The following GALNTL6 variants were observed in gnomAD, a reference collection of about 807,000 sequenced individuals.
The protein encoded by GALNTL6 is polypeptide N-acetylgalactosaminyltransferase like 6, also known as polypeptide N-acetylgalactosaminyltransferase-like 6.
Under a neutral mutation model 73.7 loss-of-function variants are expected in GALNTL6, and 46 were observed. That is an observed-to-expected ratio of 0.62 (90% CI 0.49 to 0.80). The LOEUF (loss-of-function observed/expected upper bound fraction) is 0.80, where lower values mean the gene tolerates loss of function less well. Ranked by LOEUF, GALNTL6 falls within the 30% of genes least tolerant of loss-of-function variation. The probability of loss-of-function intolerance (pLI) is 0.00; values close to 1 mark genes in which losing one functional copy is unlikely to be tolerated. For synonymous variants in GALNTL6, 259 were observed against 263.7 expected (o/e 0.98, Z 0.17); for missense variants, 604 against 755.0 (o/e 0.80, Z 2.34).
chr4:172,199,029 T>G (rs1735870891), intron 2 of GALNTL6, among the ~76,000 whole-genome samples: 1 of 152,168 alleles, frequency 6.6e-6, no homozygotes, highest in African/African-American at 2.4e-5. Flanking sequence ...GACTACACTG[T>G]GCTGTAACCA....
At chr4:172,187,029 AG>A (rs1323939549) in intron 2 of GALNTL6, among the ~76,000 whole-genome samples, 1 of 152,118 alleles carries the variant, frequency 6.6e-6, no homozygotes, top group Non-Finnish European at 1.5e-5. Context: ...TGTAACTTAA[AG>A]TTTATTTTAA....
At chr4:172,058,113 G>GTTGTTTTGTTTTGTTTTGTTTTGTT (rs10526611) in intron 2 of GALNTL6, among the ~76,000 whole-genome samples, 5,040 of 146,332 alleles carry the variant, frequency 0.034, 179 homozygotes, top group African/African-American at 0.076. Context: ...GGCTGAAGTG[G>GTTGTTTTGTTTTGTTTTGTTTTGTT]TTGTTTTGTT....
intron 5 of GALNTL6, among the ~76,000 whole-genome samples, chr4:172,410,985 C>A (rs1414878212): frequency 6.6e-6 from 1 of 152,032 alleles, no homozygotes; most frequent in Non-Finnish European, 1.5e-5. Flanking sequence ...CAAAACAAGC[C>A]ACATTTGAAG....
In GALNTL6 at chr4:172,473,728, G is replaced by A. The variant is rs114666577; in HGVS notation, c.553+125039G>A. Among the ~76,000 whole-genome samples, 691 of 152,138 alleles carry A rather than the reference G, an allele frequency of 4.5e-3. 7 individuals carry two copies. The highest frequency in any genetic ancestry group is 0.016 in the African/African-American group (655 of 41,500). The stretch of plus-strand genomic sequence containing the variant: ...ACCTCTTCAGGTTGAAAAGCCTCAG[G>A]ACTTAAATATCAGTGCTTTTCACCA... On this transcript the variant is annotated intron_variant, in intron 5 of 12. Transcript: ENST00000506823.
intron 5 of GALNTL6, among the ~76,000 whole-genome samples, chr4:172,785,010 A>C (rs956898685): frequency 2.0e-5 from 3 of 152,198 alleles, no homozygotes; most frequent in African/African-American, 7.2e-5. Context: ...CCACAAGGAC[A>C]GATGCAGTGC....
At chr4:172,556,121 A>G (rs1052907965) in intron 5 of GALNTL6, among the ~76,000 whole-genome samples, 1 of 152,086 alleles carries the variant, frequency 6.6e-6, no homozygotes, top group Non-Finnish European at 1.5e-5. Flanking sequence ...TGTTATTTCC[A>G]TCTTCCATTC....
chr4:171,969,687 TA>T (rs1256350849), intron 2 of GALNTL6, among the ~76,000 whole-genome samples: 3 of 152,268 alleles, frequency 2.0e-5, no homozygotes, highest in East Asian at 3.9e-4. Context: ...TTAAAAATGT[TA>T]ATACTGATTG....
chr4:172,480,091 G>A (rs1466767), intron 5 of GALNTL6, among the ~76,000 whole-genome samples: 95,865 of 151,992 alleles, frequency 0.63, 31,201 homozygotes, highest in South Asian at 0.82. Flanking sequence ...TTCAAAGACC[G>A]AGGCAGGAAA....
At chr4:172,410,858 C>A (rs964323476) in intron 5 of GALNTL6, among the ~76,000 whole-genome samples, 2 of 151,924 alleles carry the variant, frequency 1.3e-5, no homozygotes, top group Admixed American at 6.6e-5. Context: ...CCCTCCTACC[C>A]CCTCATGTCA....
At chr4:172,844,977 A>ATCCC (rs933626694) in intron 7 of GALNTL6, among the ~76,000 whole-genome samples, 2 of 152,172 alleles carry the variant, frequency 1.3e-5, no homozygotes, top group African/African-American at 4.8e-5. Flanking sequence ...GCACTTTGGG[A>ATCCC]GGCCAAGGCC....
intron 2 of GALNTL6, among the ~76,000 whole-genome samples, chr4:171,841,234 A>G (rs113164852): frequency 7.9e-5 from 12 of 152,224 alleles, no homozygotes; most frequent in African/African-American, 2.9e-4. Context: ...GATTATCAGG[A>G]TGAAGAATTG....
intron 2 of GALNTL6, among the ~76,000 whole-genome samples, chr4:171,999,293 A>G (rs1191363412): frequency 6.6e-6 from 1 of 152,198 alleles, no homozygotes; most frequent in Non-Finnish European, 1.5e-5. Context: ...TTGCCTATGA[A>G]AAAGAAATGT....
chr4:172,395,561 G>C (rs1168371668), intron 5 of GALNTL6, among the ~76,000 whole-genome samples: 2 of 151,998 alleles, frequency 1.3e-5, no homozygotes, highest in African/African-American at 4.8e-5. Context: ...AACACGTTTA[G>C]ATGTTTTTCC....
At chr4:172,605,895 C>A (rs905925128) in intron 5 of GALNTL6, among the ~76,000 whole-genome samples, 1 of 152,138 alleles carries the variant, frequency 6.6e-6, no homozygotes, top group East Asian at 1.9e-4. Context: ...AAATAGGATA[C>A]CATCTCACAG....
At chr4:172,918,265 A>G (rs1209149675) in intron 8 of GALNTL6, among the ~76,000 whole-genome samples, 16 of 152,156 alleles carry the variant, frequency 1.1e-4, no homozygotes, top group Non-Finnish European at 1.5e-5. Flanking sequence ...AAGGGATAGC[A>G]TTAGGAGAAA....
intron 5 of GALNTL6, among the ~76,000 whole-genome samples, chr4:172,415,720 C>T (rs1730806473): frequency 6.6e-6 from 1 of 152,080 alleles, no homozygotes; most frequent in Non-Finnish European, 1.5e-5. Flanking sequence ...CAATTCCTGT[C>T]CCTTTTAAGG....
At chr4:172,990,038 A>T (rs1439426370) in intron 10 of GALNTL6, among the ~76,000 whole-genome samples, 1 of 152,020 alleles carries the variant, frequency 6.6e-6, no homozygotes, top group Non-Finnish European at 1.5e-5. Flanking sequence ...CAGGTCAGGA[A>T]CTCTGTACAG....
intron 5 of GALNTL6, among the ~76,000 whole-genome samples, chr4:172,581,121 CAA>C (rs1008410838): frequency 1.1e-4 from 17 of 152,136 alleles, no homozygotes; most frequent in Non-Finnish European, 2.5e-4. Flanking sequence ...ATAAAATTAG[CAA>C]AGACACAAAA....
intron 5 of GALNTL6, among the ~76,000 whole-genome samples, chr4:172,714,406 T>C (rs1734928491): frequency 6.6e-6 from 1 of 152,080 alleles, no homozygotes; most frequent in Admixed American, 6.6e-5. Context: ...ACATCACTGA[T>C]CCTGCCTCAT....
Sources: gnomAD v4.1 joint callset for allele counts (sites outside exome capture counted in the v4.1 genomes callset) on GRCh38, gnomAD v4.1.1 for gene constraint, MANE v1.5 for transcripts, NCBI Gene and HGNC (gene_info 2026-07-23, HGNC 2026-07-21) for gene names.